Variants in ABCG8 observed in about 807,000 individuals in gnomAD.
ABCG8 encodes ATP binding cassette subfamily G member 8.
ABCG8 carries 81 observed loss-of-function variants against 71.3 expected under a neutral mutation model. The observed-to-expected ratio is 1.14, with a 90% CI of 0.95 to 1.37. The LOEUF (loss-of-function observed/expected upper bound fraction) is 1.37. Ranked by LOEUF, ABCG8 falls within the 40% of genes most tolerant of loss-of-function variation. The pLI, the probability that ABCG8 is intolerant of heterozygous loss-of-function variation, is 0.00. For synonymous variants in ABCG8, 451 were observed against 354.7 expected (o/e 1.27, Z -3.05); for missense variants, 1,119 against 866.2 (o/e 1.29, Z -3.66).
intron 6 of ABCG8, among the ~76,000 whole-genome samples, chr2:43,855,708 CTCTCACTATCTAGATAGAAT>C (rs1273254906): frequency 6.6e-6 from 1 of 151,954 alleles, no homozygotes; most frequent in Non-Finnish European, 1.5e-5. Flanking sequence ...CGGGATAGAA[CTCTCACTATCTAGATAGAAT>C]TCTCACTCTC....
intron 6 of ABCG8, among the ~76,000 whole-genome samples, chr2:43,870,831 G>T (rs1669739394): frequency 6.6e-6 from 1 of 151,822 alleles, no homozygotes; most frequent in Non-Finnish European, 1.5e-5. Context: ...TCTCTGGATA[G>T]AACTCTCACT....
In ABCG8 at chr2:43,880,649, A is replaced by C. The variant is rs547326017; in HGVS notation, c.*2736A>C. ...GCTCTCTCAGTGAACAGAGTTAGGG[A>C]GTGTGTGTGTGTGTGCGCGCGCGCG... On this transcript the variant is annotated 3_prime_UTR_variant, in exon 13 of 13. Coordinates refer to ENST00000272286, the MANE Select transcript of ABCG8 (RefSeq NM_022437.3). 1 of 151,008 alleles carries C rather than the reference A, an allele frequency of 6.6e-6. No homozygotes were observed. The highest frequency in any genetic ancestry group is 1.5e-5 in the Non-Finnish European group (1 of 67,826). 9.4% of individuals were successfully genotyped at this position (151,008 alleles called of 1,614,324 possible).
rs1466109215 is a variant in ABCG8 at position 43,882,259 on chromosome 2, CT to C, written c.*4347del. On this transcript the variant is annotated 3_prime_UTR_variant, in exon 13 of 13. Coordinates refer to ENST00000272286, the MANE Select transcript of ABCG8 (RefSeq NM_022437.3). The stretch of plus-strand genomic sequence containing the variant: ...ATCTCGCATTTGCTTTTGTTTTCTT[CT>C]ACTTCAACTCTTGTCATGATCCCAA... 6.6e-6 allele frequency: 1 copy of C among 150,700 alleles called. No homozygotes were observed. Among genetic ancestry groups the C allele is most frequent in the Admixed American group, 6.6e-5 (1 of 15,172 alleles). 9.3% of individuals were successfully genotyped at this position (150,700 alleles called of 1,614,324 possible). A position where few individuals can be genotyped will look rare whatever the true frequency, so the allele number is the denominator to read the frequency against.
chr2:43,873,991 G>T lies in ABCG8; in HGVS notation c.1411+5G>T. On this transcript the variant is annotated splice_donor_5th_base_variant and intron_variant, in intron 9 of 12. Transcript: ENST00000272286. ...TTCTGGATGTCATCTCCAAATGTGA[G>T]TGTGGCCCACTGGCATGGGCAGGCA... The T allele has an allele frequency of 6.2e-7, 1 of 1,613,766 alleles. No individual in the cohort carries two copies. The highest frequency in any genetic ancestry group is 8.5e-7 in the Non-Finnish European group (1 of 1,180,018).
rs1275078154 is a variant in ABCG8 at position 43,880,531 on chromosome 2, G to C, written c.*2618G>C. 1 of 152,194 alleles carries C rather than the reference G, an allele frequency of 6.6e-6. No individual in the cohort carries two copies. The highest frequency in any genetic ancestry group is 2.4e-5 in the African/African-American group (1 of 41,446). The allele number at this position is 152,194 out of a possible 1,614,324, so 9.4% of individuals were successfully genotyped here. Reference sequence around the variant, plus strand: ...CCCTGGAATCCGATGTTTCTCCAGAGAATCTGGGTTCCTCTTAGTGGAAAA... The same window carrying C: ...CCCTGGAATCCGATGTTTCTCCAGACAATCTGGGTTCCTCTTAGTGGAAAA... On this transcript the variant is annotated 3_prime_UTR_variant, in exon 13 of 13. Coordinates refer to ENST00000272286, the MANE Select transcript of ABCG8 (RefSeq NM_022437.3).
At chr2:43,843,308 G>A (rs529397965) in intron 1 of ABCG8, among the ~76,000 whole-genome samples, 1 of 152,314 alleles carries the variant, frequency 6.6e-6, no homozygotes, top group South Asian at 2.1e-4. Context: ...TGTGAGAATG[G>A]TAGCTTGAGG....
chr2:43,867,937 G>T (rs937087169), intron 6 of ABCG8, among the ~76,000 whole-genome samples: 1 of 149,792 alleles, frequency 6.7e-6, no homozygotes, highest in Non-Finnish European at 1.5e-5. Context: ...CTCACTATCC[G>T]TTTGGATAGA....
At chr2:43,859,537 C>G (rs550806072) in intron 6 of ABCG8, among the ~76,000 whole-genome samples, 5 of 151,210 alleles carry the variant, frequency 3.3e-5, no homozygotes, top group Non-Finnish European at 5.9e-5. Context: ...GGATAGATCT[C>G]TCACTATTTG....
chr2:43,863,915 C>A (rs990988626), intron 6 of ABCG8, among the ~76,000 whole-genome samples: 1 of 149,650 alleles, frequency 6.7e-6, no homozygotes, highest in Non-Finnish European at 1.5e-5. Context: ...GAATTTTCAC[C>A]GTCCGGAAAC....
rs73924081 is a variant in ABCG8, at chr2:43,881,953, G to C, written c.*4040G>C. ...CTGTAGACTATAGTAACGTACAGCCGGTGTGGCTGTCTTCTAAGAAAGTAT... is the reference window on the plus strand; with the variant it reads ...CTGTAGACTATAGTAACGTACAGCCCGTGTGGCTGTCTTCTAAGAAAGTAT... On this transcript the variant is annotated 3_prime_UTR_variant, in exon 13 of 13. Coordinates refer to ENST00000272286, the MANE Select transcript of ABCG8 (RefSeq NM_022437.3). 9.9e-5 allele frequency: 15 copies of C among 152,218 alleles called. No homozygotes were observed. Among genetic ancestry groups the C allele is most frequent in the African/African-American group, 3.4e-4 (14 of 41,512 alleles). 9.4% of individuals were successfully genotyped at this position (152,218 alleles called of 1,614,324 possible). A position where few individuals can be genotyped will look rare whatever the true frequency, so the allele number is the denominator to read the frequency against.
chr2:43,864,260 AGAAC>A (rs1234017576), intron 6 of ABCG8, among the ~76,000 whole-genome samples: 1 of 151,702 alleles, frequency 6.6e-6, no homozygotes, highest in East Asian at 1.9e-4. Context: ...CTCTGTGGGT[AGAAC>A]TCTCACTATC....
chr2:43,841,417 C>A (rs1379537665), intron 1 of ABCG8, among the ~76,000 whole-genome samples: 1 of 152,148 alleles, frequency 6.6e-6, no homozygotes. Context: ...AAGATGTCAG[C>A]CGAATAGATA....
At position 43,882,846 on chromosome 2, in the gene ABCG8, A is replaced by T. The variant is rs1003776460; in HGVS notation, c.*4933A>T. On this transcript the variant is annotated 3_prime_UTR_variant, in exon 13 of 13. Coordinates refer to ENST00000272286, the MANE Select transcript of ABCG8 (RefSeq NM_022437.3). ...TTTTTAAACACAAACCAACTCAAAA[A>T]CACTTCTCTGCTTTCTATGTAATAG... is the stretch of plus-strand genomic sequence containing the variant. 1 of 152,232 alleles carries T rather than the reference A, an allele frequency of 6.6e-6. No homozygotes were observed. Among genetic ancestry groups the T allele is most frequent in the Admixed American group, 6.5e-5 (1 of 15,282 alleles). 9.4% of individuals were successfully genotyped at this position (152,232 alleles called of 1,614,324 possible).
chr2:43,839,107 G>C lies in ABCG8; in HGVS notation c.54G>C (p.Gln18His). 6.4e-7 allele frequency: 1 copy of C among 1,551,284 alleles called. No homozygotes were observed. The highest frequency in any genetic ancestry group is 8.7e-7 in the Non-Finnish European group (1 of 1,146,796). Residue 18 changes from glutamine (Q) to histidine (H), a missense_variant, in exon 1 of 13, where the codon CAG becomes CAC. Gln to His is a conservative substitution (Grantham distance 24). Coordinates refer to ENST00000272286, the MANE Select transcript of ABCG8 (RefSeq NM_022437.3). Reference protein sequence around the residue: ...ERGLPKGATPQDTSGLQDRLF... With the variant: ...ERGLPKGATPHDTSGLQDRLF... Reference sequence around the variant, plus strand: ...GGCTGCCGAAAGGGGCCACTCCCCAGGATACCTCGGTGAGTGAGCAATGGG... The same window carrying C: ...GGCTGCCGAAAGGGGCCACTCCCCACGATACCTCGGTGAGTGAGCAATGGG...
chr2:43,851,864 C>A, intron 4 of ABCG8, 42 bp downstream of exon 4: 1 of 1,602,404 alleles, frequency 6.2e-7, no homozygotes, highest in East Asian at 2.2e-5. Flanking sequence ...GTCCAAGAAG[C>A]TACAGTGTCC....
chr2:43,846,208 G>T lies in ABCG8; in HGVS notation c.219G>T (p.Met73Ile). Residue 73 changes from methionine to isoleucine, a missense_variant, in exon 3 of 13, where the codon ATG becomes ATT. Met to Ile is a conservative substitution (Grantham distance 10). Coordinates refer to ENST00000272286, the MANE Select transcript of ABCG8 (RefSeq NM_022437.3). ...TTGAGCAGCTGGCTCAGTTCAAGAT[G>T]CCCTGGACATCTCCCAGCTGCCAGA... The part of the protein sequence containing the change: ...PWFEQLAQFK[M>I]PWTSPSCQNS... 5 of 1,614,100 alleles carry T rather than the reference G, an allele frequency of 3.1e-6. No homozygotes were observed. Among genetic ancestry groups the T allele is most frequent in the Non-Finnish European group, 4.2e-6 (5 of 1,180,018 alleles).
chr2:43,844,962 A>T (rs1444262114), intron 2 of ABCG8, among the ~76,000 whole-genome samples: 1 of 152,024 alleles, frequency 6.6e-6, no homozygotes, highest in Non-Finnish European at 1.5e-5. Flanking sequence ...CCCATTGTCC[A>T]GCTTCCCCTA....
rs992517138 is a variant in ABCG8 at position 43,879,298 on chromosome 2, G to C, written c.*1385G>C. The C allele has an allele frequency of 2.6e-5, 4 of 152,326 alleles. No individual in the cohort carries two copies. Among genetic ancestry groups the C allele is most frequent in the African/African-American group, 9.6e-5 (4 of 41,462 alleles). 9.4% of individuals were successfully genotyped at this position (152,326 alleles called of 1,614,324 possible). A position where few individuals can be genotyped will look rare whatever the true frequency, so the allele number is the denominator to read the frequency against. ...GGAAAATTAGAGTTTAGAATCAAAAGAAGGGGAAGGTGCGTGTTTGGGAGG... is the reference window on the plus strand; with the variant it reads ...GGAAAATTAGAGTTTAGAATCAAAACAAGGGGAAGGTGCGTGTTTGGGAGG... On this transcript the variant is annotated 3_prime_UTR_variant, in exon 13 of 13. Coordinates refer to ENST00000272286, the MANE Select transcript of ABCG8 (RefSeq NM_022437.3).
At chr2:43,840,363 C>T (rs1231215723) in intron 1 of ABCG8, among the ~76,000 whole-genome samples, 3 of 152,178 alleles carry the variant, frequency 2.0e-5, no homozygotes, top group Non-Finnish European at 4.4e-5. Context: ...AGAAAGTCAG[C>T]GGGACTTTGG....
Sources: allele counts gnomAD v4.1 joint callset (sites outside exome capture counted in the v4.1 genomes callset), GRCh38; gene constraint gnomAD v4.1.1; transcripts MANE v1.5; gene names NCBI Gene and HGNC (gene_info 2026-07-23, HGNC 2026-07-21).